PTK7: variants seen among roughly 807,000 people sequenced by gnomAD.
The protein encoded by PTK7 is protein tyrosine kinase 7 (inactive).
Under a neutral mutation model 116.6 loss-of-function variants are expected in PTK7, and 39 were observed. The ratio of observed to expected loss-of-function variants is 0.33; its 90% CI spans 0.26 to 0.44. The LOEUF is 0.44. Among genes scored for constraint, PTK7 ranks in the 20% least tolerant of loss-of-function variants. The probability of loss-of-function intolerance (pLI) is 1.00; values close to 1 mark genes in which losing one functional copy is unlikely to be tolerated. For missense variants in PTK7, 1,169 were observed against 1,425.6 expected (o/e 0.82, Z 2.90); for synonymous variants, 546 against 563.6 (o/e 0.97, Z 0.44).
intron 1 of PTK7, among the ~76,000 whole-genome samples, chr6:43,083,216 T>C (rs956355571): frequency 2.0e-5 from 3 of 152,236 alleles, no homozygotes; most frequent in African/African-American, 7.2e-5. Flanking sequence ...CTAACCTCAG[T>C]AGATGCCTCT....
intron 19 of PTK7, 156 bp downstream of exon 19, chr6:43,160,122 T>C: frequency 1.2e-6 from 1 of 802,642 alleles, no homozygotes; most frequent in Non-Finnish European, 1.9e-6. Context: ...TGCAATACTT[T>C]GTTTTTCTTT....
chr6:43,078,312 G>T (rs946529536), intron 1 of PTK7, among the ~76,000 whole-genome samples: 2 of 151,960 alleles, frequency 1.3e-5, no homozygotes, highest in Non-Finnish European at 2.9e-5. Flanking sequence ...CAGGCTGAGG[G>T]CTTAGGACAG....
At chr6:43,134,472 C>A (rs1769903267) in intron 7 of PTK7, among the ~76,000 whole-genome samples, 1 of 152,022 alleles carries the variant, frequency 6.6e-6, no homozygotes, top group Non-Finnish European at 1.5e-5. Flanking sequence ...AATAGTGAGA[C>A]CTTGTGTCTA....
chr6:43,144,919 T>G, intron 15 of PTK7: 1 of 419,120 alleles, frequency 2.4e-6, no homozygotes. Context: ...TTTGTCATAG[T>G]TACGTTTTTT....
Position 43,159,791 on chromosome 6 carries a change from G to A in PTK7, c.2877G>A (p.Glu959=). The A allele has an allele frequency of 1.2e-6, 2 of 1,614,214 alleles. No homozygotes were observed. Among genetic ancestry groups the A allele is most frequent in the Non-Finnish European group, 1.7e-6 (2 of 1,180,028 alleles). The part of the protein sequence containing the change: ...LGLSKDVYNS[E]YYHFRQAWVP... ...CTGGGTTGCTTCTCTCCTGCAGTGA[G>A]TACTACCACTTCCGCCAGGCCTGGG... The change falls in exon 19 of 20, where the codon GAG becomes GAA. Residue 959 remains glutamate (E), a synonymous_variant. Transcript: ENST00000230419.
At chr6:43,081,308 G>A (rs1766364103) in intron 1 of PTK7, among the ~76,000 whole-genome samples, 2 of 152,138 alleles carry the variant, frequency 1.3e-5, no homozygotes, top group Admixed American at 6.6e-5. Flanking sequence ...CCCCTATTGG[G>A]TTTTGTTTTA....
At chr6:43,132,375 G>A in intron 6 of PTK7, 46 bp from the exon 7 acceptor site, 2 of 1,538,798 alleles carry the variant, frequency 1.3e-6, no homozygotes, top group Non-Finnish European at 1.8e-6. Flanking sequence ...CATGTACCCT[G>A]AGACCCACAA....
At chr6:43,122,017 C>T (rs1768993734) in intron 1 of PTK7, among the ~76,000 whole-genome samples, 1 of 152,196 alleles carries the variant, frequency 6.6e-6, no homozygotes, top group African/African-American at 2.4e-5. Context: ...AGGCACGTGC[C>T]TGTGGCCCCA....
Position 43,076,955 on chromosome 6 carries a change from A to G in PTK7, c.79+388A>G. On this transcript the variant is annotated intron_variant, in intron 1 of 19. Transcript: ENST00000230419. This position sits in a 1 kb window ranked among gnomAD's most constrained non-coding sequence, Gnocchi z 5.7. Reference sequence around the variant, plus strand: ...TGGGGAGCGCGATGGAGAAAAAGGAATTCCCCACCCCACCCGGCAGGGTCG... The same window carrying G: ...TGGGGAGCGCGATGGAGAAAAAGGAGTTCCCCACCCCACCCGGCAGGGTCG... 6.6e-7 allele frequency: 1 copy of G among 1,512,808 alleles called. No individual in the cohort carries two copies. Among genetic ancestry groups the G allele is most frequent in the Non-Finnish European group, 8.8e-7 (1 of 1,130,484 alleles). The allele number at this position is 1,512,808 out of a possible 1,614,324, so 93.7% of individuals were successfully genotyped here.
chr6:43,118,829 C>T (rs1311397466), intron 1 of PTK7, among the ~76,000 whole-genome samples: 2 of 147,424 alleles, frequency 1.4e-5, no homozygotes, highest in Admixed American at 1.4e-4. Context: ...GCTGCAGTGA[C>T]GTGATCTTGG....
intron 1 of PTK7, among the ~76,000 whole-genome samples, chr6:43,127,447 G>A (rs1582150124): frequency 6.6e-6 from 1 of 152,326 alleles, no homozygotes; most frequent in Non-Finnish European, 1.5e-5. Flanking sequence ...ATACAGTGTA[G>A]GCTTCTTCCT....
intron 1 of PTK7, among the ~76,000 whole-genome samples, chr6:43,120,445 C>T (rs911178286): frequency 3.3e-5 from 5 of 152,314 alleles, no homozygotes; most frequent in African/African-American, 1.2e-4. Flanking sequence ...GCAGGTCTCC[C>T]GGGGAGGCTG....
intron 1 of PTK7, among the ~76,000 whole-genome samples, chr6:43,122,795 T>G (rs772253091): frequency 6.6e-6 from 1 of 151,970 alleles, no homozygotes; most frequent in Non-Finnish European, 1.5e-5. Flanking sequence ...TTAGTAGATA[T>G]GGGGTTTCAT....
chr6:43,085,472 C>T (rs1288257922), intron 1 of PTK7, among the ~76,000 whole-genome samples: 1 of 151,802 alleles, frequency 6.6e-6, no homozygotes, highest in African/African-American at 2.4e-5. Flanking sequence ...TGGTCTTGAA[C>T]TTCTGACCTC....
intron 1 of PTK7, among the ~76,000 whole-genome samples, chr6:43,078,735 T>G (rs1766202456): frequency 6.6e-6 from 1 of 152,218 alleles, no homozygotes. Context: ...GATGCTGTTG[T>G]AATAAATATG....
chr6:43,109,210 T>C (rs190028220), intron 1 of PTK7, among the ~76,000 whole-genome samples: 2 of 152,272 alleles, frequency 1.3e-5, no homozygotes, highest in East Asian at 3.9e-4. Context: ...TTTTTATTTA[T>C]CTTATTTTTT....
At position 43,121,060 on chromosome 6, in the gene PTK7, T is replaced by G. The variant is rs1475942407; in HGVS notation, c.80-7917T>G. Among the ~76,000 whole-genome samples, 24 of 122,038 alleles carry G rather than the reference T, an allele frequency of 2.0e-4. 1 individual carries two copies. Among genetic ancestry groups the G allele is most frequent in the Non-Finnish European group, 8.1e-5 (5 of 61,668 alleles). The allele number at this position is 122,038 out of a possible 152,430, so 80.1% of individuals were successfully genotyped here. A position where few individuals can be genotyped will look rare whatever the true frequency, so the allele number is the denominator to read the frequency against. The stretch of plus-strand genomic sequence containing the variant: ...TACGTCATGTGCCATGTTTCTGTTT[T>G]TTTTTTTTTTTTTTTTGACTATGTT... On this transcript the variant is annotated intron_variant, in intron 1 of 19. Coordinates refer to ENST00000230419, the MANE Select transcript of PTK7 (RefSeq NM_002821.5).
intron 1 of PTK7, among the ~76,000 whole-genome samples, chr6:43,113,262 G>A (rs1385479349): frequency 6.6e-6 from 1 of 151,884 alleles, no homozygotes; most frequent in Non-Finnish European, 1.5e-5. Flanking sequence ...GTGAAACCCC[G>A]TCTCTACTAA....
chr6:43,124,280 G>T (rs768514428), intron 1 of PTK7, among the ~76,000 whole-genome samples: 2 of 152,160 alleles, frequency 1.3e-5, no homozygotes, highest in Non-Finnish European at 2.9e-5. Flanking sequence ...TCCATTTCTT[G>T]TTATCAGCAA....
Sources: allele counts gnomAD v4.1 joint callset (sites outside exome capture counted in the v4.1 genomes callset), GRCh38; gene constraint gnomAD v4.1.1; non-coding constraint Gnocchi (gnomAD v3.1); transcripts MANE v1.5; gene names NCBI Gene and HGNC (gene_info 2026-07-23, HGNC 2026-07-21).